NTRK2: variants seen among roughly 807,000 people sequenced by gnomAD.
NTRK2 encodes BDNF/NT-3 growth factors receptor.
NTRK2 carries 13 observed loss-of-function variants against 94.5 expected under a neutral mutation model. That is an observed-to-expected ratio of 0.14 (90% CI 0.09 to 0.22). NTRK2 has a LOEUF of 0.22. Ranked by LOEUF, NTRK2 falls within the 10% of genes least tolerant of loss-of-function variation. The probability of loss-of-function intolerance (pLI) is 1.00; values close to 1 mark genes in which losing one functional copy is unlikely to be tolerated. For synonymous variants in NTRK2, 372 were observed against 407.4 expected (o/e 0.91, Z 1.05); for missense variants, 639 against 1,071.2 (o/e 0.60, Z 5.63).
chr9:84,693,378 A>G (rs1346326369), intron 2 of NTRK2, among the ~76,000 whole-genome samples: 1 of 152,194 alleles, frequency 6.6e-6, no homozygotes, highest in Non-Finnish European at 1.5e-5. Flanking sequence ...TTTTCTCATC[A>G]TAAATTTTGG....
At chr9:84,946,128 C>T (rs2078592941) in intron 15 of NTRK2, among the ~76,000 whole-genome samples, 1 of 152,226 alleles carries the variant, frequency 6.6e-6, no homozygotes, top group Non-Finnish European at 1.5e-5. Flanking sequence ...ACATATCTGA[C>T]AGATGACAGT....
chr9:84,999,055 T>C (rs1042144250), intron 17 of NTRK2, among the ~76,000 whole-genome samples: 4 of 152,226 alleles, frequency 2.6e-5, no homozygotes, highest in Non-Finnish European at 5.9e-5. Flanking sequence ...TAGTGCCTCC[T>C]GGAGCCCCTG....
At chr9:84,875,498 T>C in intron 14 of NTRK2, 1 of 1,063,396 alleles carries the variant, frequency 9.4e-7, no homozygotes, top group Non-Finnish European at 1.1e-6. Context: ...AGTTTATTGC[T>C]CAACTGAAGC....
In NTRK2 at chr9:84,916,930, A is replaced by G. The variant is rs79851001; in HGVS notation, c.1634-17232A>G. 6.0e-3 allele frequency among the ~76,000 whole-genome samples: 911 copies of G among 152,268 alleles called. 3 individuals carry two copies. Among genetic ancestry groups the G allele is most frequent in the Non-Finnish European group, 9.1e-3 (616 of 68,006 alleles). ...ATACATGTGTTCTTGCTCCTACCAT[A>G]AAATTAATTGTTGCTAATTAGTTAG... On this transcript the variant is annotated intron_variant, in intron 14 of 18. Coordinates refer to ENST00000277120, the MANE Select transcript of NTRK2 (RefSeq NM_006180.6).
rs537512607 is a variant in NTRK2 at position 84,966,045 on chromosome 9, A to G, written c.2172+10528A>G. 2.4e-4 allele frequency among the ~76,000 whole-genome samples: 37 copies of G among 152,220 alleles called. 1 individual carries two copies. The highest frequency in any genetic ancestry group is 3.7e-4 in the Non-Finnish European group (25 of 68,030). ...CCTGTTGATCATCCTATTGGTGACC[A>G]TAAGAACTTAGCACAGTCATGTTGC... On this transcript the variant is annotated intron_variant, in intron 17 of 18. Transcript: ENST00000277120.
chr9:84,718,059 C>CTCTTCTTCCTCCTCT (rs60256406), intron 6 of NTRK2, among the ~76,000 whole-genome samples: 48 of 150,958 alleles, frequency 3.2e-4, no homozygotes, highest in Non-Finnish European at 4.3e-4. Context: ...CTTCTTCCTC[C>CTCTTCTTCCTCCTCT]TCTTCTTTCT....
At chr9:84,671,027 G>T in intron 2 of NTRK2, 67 bp downstream of exon 2, 1 of 1,452,384 alleles carries the variant, frequency 6.9e-7, no homozygotes, top group South Asian at 1.2e-5. Flanking sequence ...CAGGTGGGTA[G>T]GTCCTGGAAG....
chr9:84,797,542 AATATATATATTATATATACTATAT>A (rs199501052), intron 12 of NTRK2, among the ~76,000 whole-genome samples: 8,398 of 85,060 alleles, frequency 0.099, 774 homozygotes, highest in Middle Eastern at 0.18. Context: ...ATGTATATAT[AATATATATATTATATATACTATAT>A]ATTATATATA....
intron 12 of NTRK2, chr9:84,814,364 C>CGA: frequency 9.4e-7 from 1 of 1,065,180 alleles, no homozygotes; most frequent in East Asian, 5.0e-5. Flanking sequence ...ACGCCAGGTG[C>CGA]GAGAGAGAGC....
In NTRK2 at chr9:84,830,454, T is replaced by A. The variant is rs149725983; in HGVS notation, c.1397-30586T>A. 3.1e-3 allele frequency among the ~76,000 whole-genome samples: 472 copies of A among 152,210 alleles called. 3 individuals carry two copies. Among genetic ancestry groups the A allele is most frequent in the African/African-American group, 0.011 (454 of 41,520 alleles). ...GGCACAGGTTTGGGTTCCTTATTAT[T>A]TTCCTGTCTCCTTATGCTTTAGAGC... On this transcript the variant is annotated intron_variant, in intron 12 of 18. Transcript: ENST00000277120.
chr9:85,024,881 G>A lies in NTRK2; in HGVS notation c.*3444G>A, dbSNP rs532754611. 23 of 232,622 alleles carry A rather than the reference G, an allele frequency of 9.9e-5. No homozygotes were observed. Among genetic ancestry groups the A allele is most frequent in the East Asian group, 9.1e-4 (15 of 16,494 alleles). 14.4% of individuals were successfully genotyped at this position (232,622 alleles called of 1,614,324 possible). Reference sequence around the variant, plus strand: ...ATATTATACATGTGTTCACATCAGCGCTACCTGTGATGTTTTCATGTATTT... The same window carrying A: ...ATATTATACATGTGTTCACATCAGCACTACCTGTGATGTTTTCATGTATTT... On this transcript the variant is annotated 3_prime_UTR_variant, in exon 19 of 19. Transcript: ENST00000277120.
At chr9:84,753,695 G>A (rs971767223) in intron 12 of NTRK2, among the ~76,000 whole-genome samples, 3 of 152,166 alleles carry the variant, frequency 2.0e-5, no homozygotes, top group Admixed American at 1.3e-4. Flanking sequence ...GGCATTTGGC[G>A]GTTCTCATGT....
At chr9:84,723,179 G>C (rs971046865) in intron 6 of NTRK2, among the ~76,000 whole-genome samples, 4 of 152,124 alleles carry the variant, frequency 2.6e-5, no homozygotes, top group Admixed American at 2.6e-4. Flanking sequence ...AGTAAAAAAT[G>C]GGGGGTAGGA....
rs928189635 is a variant in NTRK2, at chr9:85,022,644, G to A, written c.*1207G>A. On this transcript the variant is annotated 3_prime_UTR_variant, in exon 19 of 19. Coordinates refer to ENST00000277120, the MANE Select transcript of NTRK2 (RefSeq NM_006180.6). ...AGCAAAATTGTGCATGGTCTTCGTC[G>A]ATTAATACCTTGTGTGCAGACACTA... is the stretch of plus-strand genomic sequence containing the variant. The A allele has an allele frequency of 1.7e-5, 4 of 233,090 alleles. No individual in the cohort carries two copies. Among genetic ancestry groups the A allele is most frequent in the Middle Eastern group, 1.2e-3 (1 of 808 alleles). The allele number at this position is 233,090 out of a possible 1,614,324, so 14.4% of individuals were successfully genotyped here.
At chr9:84,941,037 T>TA (rs1210959766) in intron 15 of NTRK2, among the ~76,000 whole-genome samples, 2 of 152,170 alleles carry the variant, frequency 1.3e-5, no homozygotes, top group Admixed American at 1.3e-4. Flanking sequence ...AGTGTTACTC[T>TA]AAAAAAATAG....
intron 14 of NTRK2, among the ~76,000 whole-genome samples, chr9:84,893,440 T>C (rs1443692432): frequency 6.6e-6 from 1 of 152,184 alleles, no homozygotes; most frequent in Non-Finnish European, 1.5e-5. Flanking sequence ...AGGAGTCAGT[T>C]CTGACTGCCC....
intron 12 of NTRK2, among the ~76,000 whole-genome samples, chr9:84,823,389 C>T (rs925026333): frequency 6.6e-6 from 1 of 152,214 alleles, no homozygotes; most frequent in African/African-American, 2.4e-5. Flanking sequence ...GCATGAGGAC[C>T]AAGTCGGAGT....
chr9:84,714,533 C>G (rs1467035572), intron 6 of NTRK2, among the ~76,000 whole-genome samples: 1 of 152,116 alleles, frequency 6.6e-6, no homozygotes, highest in Non-Finnish European at 1.5e-5. Context: ...CACTTTGGGG[C>G]TTAGTCATGT....
intron 17 of NTRK2, among the ~76,000 whole-genome samples, chr9:84,972,273 G>A (rs1211406773): frequency 1.3e-5 from 2 of 152,206 alleles, no homozygotes; most frequent in Admixed American, 1.3e-4. Flanking sequence ...ACGATGTAAA[G>A]AGGAACTAAG....
Sources: allele counts gnomAD v4.1 joint callset (sites outside exome capture counted in the v4.1 genomes callset), GRCh38; gene constraint gnomAD v4.1.1; transcripts MANE v1.5; gene names NCBI Gene and HGNC (gene_info 2026-07-23, HGNC 2026-07-21).